NCKAP5: variants seen among roughly 807,000 people sequenced by gnomAD.
NCKAP5 encodes the protein nck-associated protein 5.
In NCKAP5, 92 loss-of-function variants were observed where a neutral mutation model predicts 167.0. The ratio of observed to expected loss-of-function variants is 0.55; its 90% confidence interval spans 0.47 to 0.66. The LOEUF is 0.66. Among genes scored for constraint, NCKAP5 ranks in the 30% least tolerant of loss-of-function variants. The pLI is 0.00. For missense variants in NCKAP5, 2,378 were observed against 2,315.0 expected (o/e 1.03, Z -0.56); for synonymous variants, 891 against 877.4 (o/e 1.02, Z -0.27).
chr2:132,872,384 T>G (rs531953856), intron 9 of NCKAP5, among the ~76,000 whole-genome samples: 12 of 152,316 alleles, frequency 7.9e-5, no homozygotes, highest in Middle Eastern at 3.4e-3. Flanking sequence ...TCTTCTTCCC[T>G]GAAAAACTTC....
chr2:132,777,748 A>C (rs1682673210), intron 15 of NCKAP5, among the ~76,000 whole-genome samples: 1 of 152,220 alleles, frequency 6.6e-6, no homozygotes, highest in Admixed American at 6.5e-5. Context: ...GAACTTAATA[A>C]GATGATAACA....
chr2:133,178,378 T>C (rs1211490276), intron 5 of NCKAP5, among the ~76,000 whole-genome samples: 1 of 151,072 alleles, frequency 6.6e-6, no homozygotes, highest in African/African-American at 2.4e-5. Context: ...GGTGGGACAA[T>C]CCTGTAGTCT....
At chr2:133,078,356 C>G (rs1054004274) in intron 6 of NCKAP5, among the ~76,000 whole-genome samples, 1 of 152,192 alleles carries the variant, frequency 6.6e-6, no homozygotes, top group African/African-American at 2.4e-5. Flanking sequence ...CTCAGTGCAT[C>G]TGTAAACTCA....
chr2:133,618,587 A>C, the NCKAP5 span, among the ~76,000 whole-genome samples: 6 of 151,844 alleles, frequency 4.0e-5, no homozygotes, highest in Non-Finnish European at 8.8e-5. Context: ...GAGAAATGCA[A>C]ATCAAAACCA....
intron 8 of NCKAP5, among the ~76,000 whole-genome samples, chr2:132,895,922 G>T (rs1197917236): frequency 6.6e-6 from 1 of 152,024 alleles, no homozygotes; most frequent in African/African-American, 2.4e-5. Context: ...ATCACCTGAG[G>T]TCAGGAGTTT....
At chr2:133,061,294 G>C (rs2079992143) in intron 6 of NCKAP5, among the ~76,000 whole-genome samples, 1 of 152,180 alleles carries the variant, frequency 6.6e-6, no homozygotes, top group South Asian at 2.1e-4. Flanking sequence ...CTGTCAAACA[G>C]TATTGCTTGC....
chr2:132,911,034 AC>A, intron 8 of NCKAP5: 1 of 188,800 alleles, frequency 5.3e-6, no homozygotes. Flanking sequence ...TTGTCTTCTG[AC>A]CGACACCACC....
intron 6 of NCKAP5, among the ~76,000 whole-genome samples, chr2:133,128,526 C>T (rs2082476934): frequency 6.6e-6 from 1 of 152,028 alleles, no homozygotes; most frequent in African/African-American, 2.4e-5. Context: ...AGAATTAAAT[C>T]TAGGAGCTAC....
At chr2:133,015,071 T>A (rs2078284001) in intron 6 of NCKAP5, among the ~76,000 whole-genome samples, 1 of 152,208 alleles carries the variant, frequency 6.6e-6, no homozygotes, top group South Asian at 2.1e-4. Context: ...TTATAACAGA[T>A]AAGCCAGATG....
chr2:133,357,544 T>C (rs963281745), intron 3 of NCKAP5, among the ~76,000 whole-genome samples: 7 of 152,216 alleles, frequency 4.6e-5, no homozygotes, highest in Non-Finnish European at 1.0e-4. Flanking sequence ...ACCCTTAGAA[T>C]AATGAATCTA....
intron 8 of NCKAP5, among the ~76,000 whole-genome samples, chr2:132,921,474 T>A (rs576941880): frequency 6.6e-6 from 1 of 152,312 alleles, no homozygotes; most frequent in African/African-American, 2.4e-5. Flanking sequence ...TATCGAGTTG[T>A]CCACTAGGTA....
At chr2:133,352,214 C>G (rs1330806239) in intron 3 of NCKAP5, among the ~76,000 whole-genome samples, 1 of 152,164 alleles carries the variant, frequency 6.6e-6, no homozygotes, top group Non-Finnish European at 1.5e-5. Context: ...TTCTCCATAA[C>G]TTTCATTACC....
At chr2:133,608,443 G>A in the NCKAP5 span, among the ~76,000 whole-genome samples, 1 of 152,120 alleles carries the variant, frequency 6.6e-6, no homozygotes, top group Non-Finnish European at 1.5e-5. Context: ...AGGGCAAATA[G>A]CTCACAGACA....
intron 3 of NCKAP5, among the ~76,000 whole-genome samples, chr2:133,407,846 T>C (rs1274725159): frequency 2.0e-5 from 3 of 152,190 alleles, no homozygotes; most frequent in South Asian, 4.1e-4. Context: ...CTTGATATTA[T>C]AAGTTGTTGT....
At chr2:132,743,362 A>G (rs1389838162) in intron 16 of NCKAP5, among the ~76,000 whole-genome samples, 2 of 151,898 alleles carry the variant, frequency 1.3e-5, no homozygotes, top group Admixed American at 1.3e-4. Context: ...CTATATATAT[A>G]TTTTGTTTAT....
intron 11 of NCKAP5, among the ~76,000 whole-genome samples, chr2:132,805,177 CAT>C (rs1000066481): frequency 1.3e-5 from 2 of 152,058 alleles, no homozygotes; most frequent in African/African-American, 4.8e-5. Context: ...GTGTGTTTCA[CAT>C]ATGTTATCCT....
chr2:133,167,507 GA>G (rs2084048949), intron 5 of NCKAP5, among the ~76,000 whole-genome samples: 1 of 152,166 alleles, frequency 6.6e-6, no homozygotes, highest in Non-Finnish European at 1.5e-5. Flanking sequence ...AGATAGGAAA[GA>G]AAGCTTCTTT....
chr2:133,083,571 AG>A (rs2080883309), intron 6 of NCKAP5, among the ~76,000 whole-genome samples: 1 of 152,210 alleles, frequency 6.6e-6, no homozygotes, highest in Non-Finnish European at 1.5e-5. Flanking sequence ...CTAAGTTAAA[AG>A]CAATGGATTG....
chr2:133,163,790 C>A (rs886381781), intron 5 of NCKAP5, among the ~76,000 whole-genome samples: 1 of 152,018 alleles, frequency 6.6e-6, no homozygotes, highest in Non-Finnish European at 1.5e-5. Context: ...CACACTTGAA[C>A]TTCAACTTTT....
Sources: gnomAD v4.1 joint callset for allele counts (sites outside exome capture counted in the v4.1 genomes callset) on GRCh38, gnomAD v4.1.1 for gene constraint, MANE v1.5 for transcripts, NCBI Gene and HGNC (gene_info 2026-07-23, HGNC 2026-07-21) for gene names.